The following BCR variants were observed in gnomAD, a reference collection of about 807,000 sequenced individuals.
BCR encodes breakpoint cluster region protein.
BCR carries 58 observed loss-of-function variants against 138.6 expected under a neutral mutation model. The ratio of observed to expected loss-of-function variants is 0.42; its 90% CI spans 0.34 to 0.52. The LOEUF is 0.52. Among genes scored for constraint, BCR ranks in the 20% least tolerant of loss-of-function variants. The pLI is 0.06. For missense variants in BCR, 1,599 were observed against 1,727.2 expected (o/e 0.93, Z 1.32); for synonymous variants, 786 against 730.1 (o/e 1.08, Z -1.23).
At chr22:23,298,434 G>A (rs2073868532) in intron 16 of BCR, among the ~76,000 whole-genome samples, 2 of 152,164 alleles carry the variant, frequency 1.3e-5, no homozygotes, top group Admixed American at 1.3e-4. Context: ...GTTCCGTCAA[G>A]GAGAGTCTTT....
intron 2 of BCR, among the ~76,000 whole-genome samples, chr22:23,254,737 CCCCCA>C (rs1422691199): frequency 6.6e-6 from 1 of 152,214 alleles, no homozygotes; most frequent in African/African-American, 2.4e-5. Flanking sequence ...GGTGCATGTC[CCCCCA>C]CTTGACCTCT....
At chr22:23,245,681 G>C (rs564400364) in intron 1 of BCR, among the ~76,000 whole-genome samples, 1 of 152,182 alleles carries the variant, frequency 6.6e-6, no homozygotes, top group South Asian at 2.1e-4. Flanking sequence ...CTCACTGCAT[G>C]TGGGTGGCCT....
chr22:23,297,207 G>GTTTTTTTTTTTTTTTTTTTTT lies in BCR; in HGVS notation c.3012+2058_3012+2059insTTTTTTTTTTTTTTTTTTTTT, dbSNP rs1307353327. 7.2e-5 allele frequency among the ~76,000 whole-genome samples: 7 copies of GTTTTTTTTTTTTTTTTTTTTT among 97,398 alleles called. 2 individuals carry two copies. Among genetic ancestry groups the GTTTTTTTTTTTTTTTTTTTTT allele is most frequent in the African/African-American group, 1.9e-4 (4 of 20,554 alleles). The allele number at this position is 97,398 out of a possible 152,430, so 63.9% of individuals were successfully genotyped here. On this transcript the variant is annotated intron_variant, in intron 16 of 22. Coordinates refer to ENST00000305877, the MANE Select transcript of BCR (RefSeq NM_004327.4). ...GTGCCCCACCATGCCTGGCTAAGTT[G>GTTTTTTTTTTTTTTTTTTTTT]TTTTTTGTTTTTTGTTTTTTTTTTT...
chr22:23,203,038 T>C (rs187169979), intron 1 of BCR, among the ~76,000 whole-genome samples: 27 of 152,238 alleles, frequency 1.8e-4, no homozygotes, highest in Middle Eastern at 3.4e-3. Context: ...TTTTTTTCTT[T>C]TTGTAGAGAC....
At chr22:23,269,773 A>G (rs772345472) in intron 5 of BCR, among the ~76,000 whole-genome samples, 1 of 152,216 alleles carries the variant, frequency 6.6e-6, no homozygotes, top group Non-Finnish European at 1.5e-5. Flanking sequence ...GAATGGTGGC[A>G]TCGAATTTCA....
intron 16 of BCR, among the ~76,000 whole-genome samples, chr22:23,298,035 G>A (rs1385341521): frequency 6.6e-6 from 1 of 152,196 alleles, no homozygotes; most frequent in South Asian, 2.1e-4. Context: ...CAGTTAAAGT[G>A]GTAAAAGCAG....
intron 4 of BCR, chr22:23,263,221 T>C (rs1568961481): frequency 3.1e-6 from 3 of 978,586 alleles, no homozygotes; most frequent in Non-Finnish European, 1.5e-6. Flanking sequence ...CTCTGGCGCC[T>C]GCCGGAAGTG....
rs910963661 is a variant in BCR, at chr22:23,287,049, A to T, written c.2407-110A>T. 16 of 1,526,240 alleles carry T rather than the reference A, an allele frequency of 1.0e-5. No homozygotes were observed. In the African/African-American group the frequency reaches 1.9e-4, roughly 18 times the overall value. 94.5% of individuals were successfully genotyped at this position (1,526,240 alleles called of 1,614,324 possible). ...GGTCTGTGCTGAGTGGAGAGATGGG[A>T]TTCTTGCCCTCTGCAGGCTGAATGC... On this transcript the variant is annotated intron_variant, in intron 10 of 22. Transcript: ENST00000305877.
chr22:23,189,542 C>T (rs1187838435), intron 1 of BCR, among the ~76,000 whole-genome samples: 1 of 152,000 alleles, frequency 6.6e-6, no homozygotes, highest in Non-Finnish European at 1.5e-5. Flanking sequence ...CTTATTTTGC[C>T]CAGGCTGGAG....
chr22:23,265,640 A>G (rs752772443), intron 4 of BCR, among the ~76,000 whole-genome samples: 2 of 152,104 alleles, frequency 1.3e-5, no homozygotes, highest in Non-Finnish European at 2.9e-5. Flanking sequence ...TTATTTTTCT[A>G]ATTATTTCAA....
chr22:23,314,522 A>G, intron 21 of BCR, 30 bp from the exon 22 acceptor site: 1 of 1,611,600 alleles, frequency 6.2e-7, no homozygotes, highest in Non-Finnish European at 8.5e-7. Context: ...GTGGCGTTGA[A>G]ACAGCACCCG....
At chr22:23,299,459 G>A (rs920370548) in intron 16 of BCR, among the ~76,000 whole-genome samples, 3 of 152,088 alleles carry the variant, frequency 2.0e-5, no homozygotes, top group Admixed American at 6.5e-5. Context: ...ATACAAATGA[G>A]GATTCTCGAT....
At chr22:23,201,074 A>G (rs980591687) in intron 1 of BCR, among the ~76,000 whole-genome samples, 12 of 152,226 alleles carry the variant, frequency 7.9e-5, no homozygotes, top group Admixed American at 7.9e-4. Context: ...AGGAAATGGA[A>G]CATTTAGTCT....
In BCR at chr22:23,314,091, T is replaced by A; in HGVS notation, c.3563+18T>A. Reference sequence around the variant, plus strand: ...CTGAAAAGGTAGCCCAGCTCTCCCATGGCAGCCCAGGGCTCCAGGTCCCCA... The same window carrying A: ...CTGAAAAGGTAGCCCAGCTCTCCCAAGGCAGCCCAGGGCTCCAGGTCCCCA... On this transcript the variant is annotated intron_variant, in intron 21 of 22. Coordinates refer to ENST00000305877, the MANE Select transcript of BCR (RefSeq NM_004327.4). 6.2e-7 allele frequency: 1 copy of A among 1,602,072 alleles called. No individual in the cohort carries two copies. Among genetic ancestry groups the A allele is most frequent in the East Asian group, 2.2e-5 (1 of 44,822 alleles).
At chr22:23,233,372 A>G (rs938532239) in intron 1 of BCR, among the ~76,000 whole-genome samples, 4 of 152,208 alleles carry the variant, frequency 2.6e-5, no homozygotes, top group Non-Finnish European at 5.9e-5. Context: ...TGGAAACAGA[A>G]GAGACACCAC....
At position 23,253,782 on chromosome 22, in the gene BCR, C is replaced by T. The variant is rs1316590388; in HGVS notation, c.1280-17C>T. On this transcript the variant is annotated splice_polypyrimidine_tract_variant and intron_variant, in intron 1 of 22. Transcript: ENST00000305877. ...CCTTCTCTGTCTCTAACACAGGATG[C>T]TTCTTTGCACACACAGATGGCTCGT... The T allele has an allele frequency of 1.9e-6, 3 of 1,599,730 alleles. No homozygotes were observed. In the South Asian group the frequency reaches 3.3e-5, roughly 18 times the overall value.
rs1178315655 is a variant in BCR, at chr22:23,295,175, C to T, written c.3012+20C>T. ...GTCCAGGTGAGGCAGCCATCCCTAC[C>T]CTCCCCTGCCCGATGCATGGCGTCC... On this transcript the variant is annotated intron_variant, in intron 16 of 22. Coordinates refer to ENST00000305877, the MANE Select transcript of BCR (RefSeq NM_004327.4). 1.9e-6 allele frequency: 3 copies of T among 1,612,838 alleles called. No individual in the cohort carries two copies. In the African/African-American group the frequency reaches 4.0e-5, roughly 22 times the overall value.
chr22:23,195,041 C>A (rs1332657955), intron 1 of BCR, among the ~76,000 whole-genome samples: 1 of 152,088 alleles, frequency 6.6e-6, no homozygotes, highest in Non-Finnish European at 1.5e-5. Flanking sequence ...CTTTGGGAGG[C>A]CGAGGCAGGC....
intron 1 of BCR, chr22:23,242,866 C>T (rs778098187): frequency 2.2e-6 from 1 of 455,890 alleles, no homozygotes. Context: ...GCCAGGCTGT[C>T]TCTGGAGGCT....
Sources: allele counts gnomAD v4.1 joint callset (sites outside exome capture counted in the v4.1 genomes callset), GRCh38; gene constraint gnomAD v4.1.1; transcripts MANE v1.5; gene names NCBI Gene and HGNC (gene_info 2026-07-23, HGNC 2026-07-21).